Variants in NAPEPLD observed in about 807,000 individuals in gnomAD.
NAPEPLD encodes the protein N-acyl-phosphatidylethanolamine-hydrolyzing phospholipase D.
Under a neutral mutation model 38.1 loss-of-function variants are expected in NAPEPLD, and 23 were observed. The observed-to-expected ratio is 0.60, with a 90% CI of 0.43 to 0.86. The LOEUF (loss-of-function observed/expected upper bound fraction) is 0.86, where lower values mean the gene tolerates loss of function less well. NAPEPLD is among the 40% of genes least tolerant of loss of function. The pLI, the probability that NAPEPLD is intolerant of heterozygous loss-of-function variation, is 0.00. For synonymous variants in NAPEPLD, 147 were observed against 162.0 expected (o/e 0.91, Z 0.71); for missense variants, 411 against 476.8 (o/e 0.86, Z 1.28).
chr7:103,142,658 C>T (rs1811668921), intron 1 of NAPEPLD, among the ~76,000 whole-genome samples: 1 of 152,002 alleles, frequency 6.6e-6, no homozygotes, highest in Non-Finnish European at 1.5e-5. Context: ...GACTCTGTGC[C>T]CCCAGGAAGC....
intron 1 of NAPEPLD, among the ~76,000 whole-genome samples, chr7:103,129,018 C>A (rs1405731569): frequency 6.6e-6 from 1 of 152,290 alleles, no homozygotes; most frequent in East Asian, 1.9e-4. Context: ...ATAATCCCAG[C>A]ACTTTGGAAG....
intron 2 of NAPEPLD, chr7:103,127,010 T>A (rs1807961688): frequency 6.6e-6 from 1 of 152,116 alleles, no homozygotes; most frequent in African/African-American, 2.4e-5. Context: ...AAAATAGAAC[T>A]ACTATAACTA....
chr7:103,116,621 A>G (rs1006245208), intron 3 of NAPEPLD, among the ~76,000 whole-genome samples: 2 of 152,262 alleles, frequency 1.3e-5, no homozygotes, highest in Non-Finnish European at 2.9e-5. Flanking sequence ...TTACTATTCA[A>G]GAAATTTTAT....
At chr7:103,106,841 G>A (rs1018950652) in intron 4 of NAPEPLD, among the ~76,000 whole-genome samples, 11 of 152,094 alleles carry the variant, frequency 7.2e-5, no homozygotes, top group Admixed American at 6.6e-5. Context: ...AGACTTAAAC[G>A]TCCCTGCCTG....
intron 4 of NAPEPLD, among the ~76,000 whole-genome samples, chr7:103,112,855 T>C (rs1372445933): frequency 6.6e-6 from 1 of 152,212 alleles, no homozygotes; most frequent in Non-Finnish European, 1.5e-5. Flanking sequence ...CATCAAAACA[T>C]GAACAAATTC....
At chr7:103,143,825 A>G (rs994204538) in intron 1 of NAPEPLD, among the ~76,000 whole-genome samples, 6 of 152,296 alleles carry the variant, frequency 3.9e-5, no homozygotes, top group Admixed American at 6.5e-5. Flanking sequence ...AGCTATAAAA[A>G]CACCAATGGT....
intron 2 of NAPEPLD, among the ~76,000 whole-genome samples, chr7:103,123,743 C>T (rs954570939): frequency 4.6e-5 from 7 of 152,176 alleles, no homozygotes; most frequent in Non-Finnish European, 1.0e-4. Context: ...CAAGGTCACC[C>T]AGCCAGACCC....
At chr7:103,133,047 AAAC>A in intron 1 of NAPEPLD, among the ~76,000 whole-genome samples, 1 of 152,186 alleles carries the variant, frequency 6.6e-6, no homozygotes, top group Non-Finnish European at 1.5e-5. Flanking sequence ...AAAAAACAAA[AAAC>A]AAAAAAATCT....
At chr7:103,105,054 A>G (rs776859139) in intron 4 of NAPEPLD, among the ~76,000 whole-genome samples, 15 of 152,188 alleles carry the variant, frequency 9.9e-5, no homozygotes, top group Non-Finnish European at 2.1e-4. Flanking sequence ...TAATCTGCCT[A>G]GATTTAGCAG....
chr7:103,103,669 T>A, intron 4 of NAPEPLD, 115 bp from the exon 5 acceptor site: 1 of 1,081,420 alleles, frequency 9.2e-7, no homozygotes, highest in Non-Finnish European at 1.3e-6. Flanking sequence ...ATTAGGCCCT[T>A]TCTTTTAATT....
intron 1 of NAPEPLD, among the ~76,000 whole-genome samples, chr7:103,148,441 C>G (rs1177962918): frequency 6.8e-6 from 1 of 147,828 alleles, no homozygotes; most frequent in East Asian, 1.9e-4. Context: ...TCTACCATAT[C>G]GAGCTCTAGC....
chr7:103,144,373 T>C (rs193168913), intron 1 of NAPEPLD, among the ~76,000 whole-genome samples: 1 of 152,352 alleles, frequency 6.6e-6, no homozygotes, highest in East Asian at 1.9e-4. Flanking sequence ...TAAATACTAG[T>C]TCTCTTATAA....
Position 103,120,120 on chromosome 7 carries a change from G to C in NAPEPLD, c.398C>G (p.Ala133Gly). Reference sequence around the variant, plus strand: ...CTCATCCATTTCCACCATTACCGTGGCATGTCCCAGCCATGTGACTCTTAA... The same window carrying C: ...CTCATCCATTTCCACCATTACCGTGCCATGTCCCAGCCATGTGACTCTTAA... ...AGLRVTWLGH[A>G]TVMVEMDELI... is the part of the protein sequence containing the mutation. Residue 133 changes from alanine to glycine, a missense_variant, in exon 3 of 5, where the codon GCC becomes GGC. Physicochemically the swap from Ala to Gly is moderately conservative, Grantham distance 60. Transcript: ENST00000465647. The C allele has an allele frequency of 6.2e-7, 1 of 1,614,134 alleles. No individual in the cohort carries two copies. Among genetic ancestry groups the C allele is most frequent in the Non-Finnish European group, 8.5e-7 (1 of 1,180,038 alleles).
intron 1 of NAPEPLD, chr7:103,148,083 G>T: frequency 1.0e-6 from 1 of 984,842 alleles, no homozygotes; most frequent in Non-Finnish European, 1.2e-6. Flanking sequence ...CCATGTCTGC[G>T]GCTAATTCAT....
At chr7:103,122,036 T>G (rs1042719023) in intron 2 of NAPEPLD, among the ~76,000 whole-genome samples, 1 of 151,498 alleles carries the variant, frequency 6.6e-6, no homozygotes, top group African/African-American at 2.4e-5. Context: ...AAACTAAATC[T>G]ATAAAGATGG....
At chr7:103,130,995 A>G (rs1175385713) in intron 1 of NAPEPLD, among the ~76,000 whole-genome samples, 2 of 152,206 alleles carry the variant, frequency 1.3e-5, no homozygotes, top group East Asian at 3.9e-4. Flanking sequence ...GAGCAGAAAC[A>G]ATGACCATCC....
intron 1 of NAPEPLD, among the ~76,000 whole-genome samples, chr7:103,135,961 C>A (rs187022896): frequency 6.6e-6 from 1 of 152,120 alleles, no homozygotes; most frequent in African/African-American, 2.4e-5. Flanking sequence ...TTTAAGGAGA[C>A]CATGAGTTAG....
At position 103,103,402 on chromosome 7, in the gene NAPEPLD, C is replaced by T. The variant is rs758913741; in HGVS notation, c.*27G>A. 1.3e-6 allele frequency: 2 copies of T among 1,516,564 alleles called. No individual in the cohort carries two copies. Among genetic ancestry groups the T allele is most frequent in the South Asian group, 1.3e-5 (1 of 76,820 alleles). 93.9% of individuals were successfully genotyped at this position (1,516,564 alleles called of 1,614,324 possible). The stretch of plus-strand genomic sequence containing the variant: ...TTTTAAACTTAGATGATGCCTTTTT[C>T]ATTAAAAGTGCCTGTGCTCACATTT... On this transcript the variant is annotated 3_prime_UTR_variant, in exon 5 of 5. Transcript: ENST00000465647.
intron 4 of NAPEPLD, among the ~76,000 whole-genome samples, chr7:103,107,682 G>A (rs967030025): frequency 5.9e-5 from 9 of 151,888 alleles, no homozygotes; most frequent in African/African-American, 1.9e-4. Context: ...GAATTAAAGC[G>A]AGAAGACAAG....
Sources: gnomAD v4.1 joint callset for allele counts (sites outside exome capture counted in the v4.1 genomes callset) on GRCh38, gnomAD v4.1.1 for gene constraint, MANE v1.5 for transcripts, NCBI Gene and HGNC (gene_info 2026-07-23, HGNC 2026-07-21) for gene names.